The following PLEKHN1 variants were observed in gnomAD, a reference collection of about 807,000 sequenced individuals.
The protein encoded by PLEKHN1 is pleckstrin homology domain containing N1.
PLEKHN1 carries 68 observed loss-of-function variants against 72.8 expected under a neutral mutation model. That is an observed-to-expected ratio of 0.93 (90% confidence interval 0.77 to 1.14). The LOEUF (loss-of-function observed/expected upper bound fraction) is 1.14, where lower values mean the gene tolerates loss of function less well. PLEKHN1 is among the 50% of genes most tolerant of loss of function. The pLI is 0.00. For missense variants in PLEKHN1, 1,015 were observed against 840.5 expected, an observed-to-expected ratio of 1.21 and a Z score of -2.57; for synonymous variants, 454 against 371.6, an observed-to-expected ratio of 1.22 and a Z score of -2.55.
In PLEKHN1 at chr1:973,585, A is replaced by G. The variant is rs1412121549; in HGVS notation, c.1379A>G (p.Tyr460Cys). ...CACTCGCCCCTCTATGCCGACCCCT[A>G]CACACCACCCGCCACCTCCCACCGC... ...TSHSPLYADPYTPPATSHRRV... is the reference protein window; with the variant it reads ...TSHSPLYADPCTPPATSHRRV... Residue 460 changes from tyrosine to cysteine, a missense_variant, in exon 13 of 16, where the codon TAC becomes TGC. Tyr to Cys is a radical substitution (Grantham distance 194, BLOSUM62 -2). Transcript: ENST00000379410. The G allele has an allele frequency of 6.2e-7, 1 of 1,613,276 alleles. No homozygotes were observed. The highest frequency in any genetic ancestry group is 1.7e-5 in the Admixed American group (1 of 60,020).
chr1:970,656 C>T lies in PLEKHN1; in HGVS notation c.412-30C>T. The T allele has an allele frequency of 6.2e-7, 1 of 1,600,488 alleles. No homozygotes were observed. The highest frequency in any genetic ancestry group is 8.5e-7 in the Non-Finnish European group (1 of 1,172,228). ...TGGCCGCCCTTCCCTCCATGGATCC[C>T]TGAAGCTCCTCCTACCCTGTGCCTG... On this transcript the variant is annotated intron_variant, in intron 4 of 15. Coordinates refer to ENST00000379410, the MANE Select transcript of PLEKHN1 (RefSeq NM_032129.3). The surrounding 1 kb of genome is among the most constrained non-coding windows in gnomAD (Gnocchi z 4.2).
At chr1:971,237 G>C (rs755742476) in intron 7 of PLEKHN1, 29 bp downstream of exon 7, 1 of 1,560,852 alleles carries the variant, frequency 6.4e-7, no homozygotes, top group Non-Finnish European at 8.7e-7. Flanking sequence ...GGGCTGTAGG[G>C]GGATGGGAGG....
In PLEKHN1 at chr1:973,292, G is replaced by A; in HGVS notation, c.1259G>A (p.Gly420Asp). The A allele has an allele frequency of 1.3e-6, 2 of 1,543,686 alleles. No homozygotes were observed. Among genetic ancestry groups the A allele is most frequent in the Middle Eastern group, 2.0e-4 (1 of 5,038 alleles). The change falls in exon 12 of 16, where the codon GGC (glycine) becomes GAC (aspartate). Residue 420 changes from glycine to aspartate, a missense_variant. Physicochemically the swap from Gly to Asp is moderately conservative, Grantham distance 94. Transcript: ENST00000379410. ...AGCAAGGCCCGGGCAGAGGGCCGCG[G>A]CCCTGTCACCCCACTGCACCTGGAC... is the stretch of plus-strand genomic sequence containing the variant. ...PGSKARAEGR[G>D]PVTPLHLDLT...
rs758593243 is a variant in PLEKHN1 at position 970,979 on chromosome 1, G to A, written c.585G>A (p.Pro195=). The stretch of plus-strand genomic sequence containing the variant: ...AGCAGACGGCCCTCCTCGGGGGGCC[G>A]CGGCGCTGCCACTCGGCACCCCCAC... ...LEKQTALLGG[P]RRCHSAPPQR... Residue 195 remains proline, a synonymous_variant, in exon 6 of 16, where the codon CCG becomes CCA. Coordinates refer to ENST00000379410, the MANE Select transcript of PLEKHN1 (RefSeq NM_032129.3). This position sits in a 1 kb window ranked among gnomAD's most constrained non-coding sequence, Gnocchi z 4.2. 9.3e-6 allele frequency: 15 copies of A among 1,604,898 alleles called. No homozygotes were observed. The Admixed American group carries it at 1.5e-4, about 16-fold the overall frequency.
chr1:970,357 G>A lies in PLEKHN1; in HGVS notation c.264G>A (p.Val88=), dbSNP rs754369082. Residue 88 remains valine, a synonymous_variant, in exon 3 of 16, where the codon GTG becomes GTA. Coordinates refer to ENST00000379410, the MANE Select transcript of PLEKHN1 (RefSeq NM_032129.3). The surrounding 1 kb of genome is among the most constrained non-coding windows in gnomAD (Gnocchi z 4.2). ...LSVFKKGRRR[V]PVRNLGKVVH... ...TGTTCAAGAAGGGGCGGCGGAGGGT[G>A]CCTGTGAGGAACCTGGGAAAAGTTG... The A allele has an allele frequency of 3.1e-6, 5 of 1,613,470 alleles. No homozygotes were observed. In the African/African-American group the frequency reaches 6.7e-5, roughly 22 times the overall value.
chr1:971,079 G>C, intron 6 of PLEKHN1, 34 bp from the exon 7 acceptor site: 1 of 1,580,826 alleles, frequency 6.3e-7, no homozygotes, highest in Non-Finnish European at 8.6e-7. Flanking sequence ...CCTCACAGGG[G>C]TCCTGCGGAG....
rs375032154 is a variant in PLEKHN1 at position 970,326 on chromosome 1, T to A, written c.233T>A (p.Leu78Gln). Residue 78 changes from leucine (L) to glutamine (Q), a missense_variant, in exon 3 of 16, where the codon CTG (leucine) becomes CAG (glutamine). By Grantham distance (113) the Leu-to-Gln change is moderately radical (BLOSUM62 -2). Coordinates refer to ENST00000379410, the MANE Select transcript of PLEKHN1 (RefSeq NM_032129.3). This position sits in a 1 kb window ranked among gnomAD's most constrained non-coding sequence, Gnocchi z 4.2. The stretch of plus-strand genomic sequence containing the variant: ...CGAGAAAACCTGGAGCAGCCATTCC[T>A]GAGTGTGTTCAAGAAGGGGCGGCGG... ...NQRENLEQPFLSVFKKGRRRV... is the reference protein window; with the variant it reads ...NQRENLEQPFQSVFKKGRRRV... 5 of 1,613,414 alleles carry A rather than the reference T, an allele frequency of 3.1e-6. No homozygotes were observed. The highest frequency in any genetic ancestry group is 1.3e-5 in the African/African-American group (1 of 74,852).
intron 8 of PLEKHN1, among the ~76,000 whole-genome samples, chr1:971,868 T>G (rs1323966566): frequency 6.6e-6 from 1 of 152,230 alleles, no homozygotes; most frequent in Non-Finnish European, 1.5e-5. Flanking sequence ...TTTGTGTGTC[T>G]GCCCCTAGCC....
Position 966,716 on chromosome 1 carries a change from G to T in PLEKHN1, c.96G>T (p.Ala32=). ...GCCTTGTCCCCAGAGAGGACAGCGC[G>T]CGGATGTCGGCCGGCCTGCCGGGCC... ...PSLKGNREDS[A]RMSAGLPGPE... The change falls in exon 2 of 16, where the codon GCG becomes GCT. Residue 32 remains alanine, a synonymous_variant. Transcript: ENST00000379410. The T allele has an allele frequency of 6.4e-7, 1 of 1,573,966 alleles. No homozygotes were observed.
In PLEKHN1 at chr1:970,206, C is replaced by A; in HGVS notation, c.184-71C>A. The stretch of plus-strand genomic sequence containing the variant: ...GGCAGACCATGCTATAGTCCTGTAG[C>A]TGTGTGGATGCGAGCGGAGGGGGTG... On this transcript the variant is annotated intron_variant, in intron 2 of 15. Coordinates refer to ENST00000379410, the MANE Select transcript of PLEKHN1 (RefSeq NM_032129.3). The surrounding 1 kb of genome is among the most constrained non-coding windows in gnomAD (Gnocchi z 4.2). 6.5e-7 allele frequency: 1 copy of A among 1,528,802 alleles called. No individual in the cohort carries two copies. The highest frequency in any genetic ancestry group is 8.9e-7 in the Non-Finnish European group (1 of 1,121,098). 94.7% of individuals were successfully genotyped at this position (1,528,802 alleles called of 1,614,324 possible). A position where few individuals can be genotyped will look rare whatever the true frequency, so the allele number is the denominator to read the frequency against.
Position 971,341 on chromosome 1 carries a change from C to A in PLEKHN1, c.726C>A (p.Leu242=). Reference sequence around the variant, plus strand: ...CCACCCAGGAGCAGTGGGACCGGCTCTTGGTCCTGTACCCAACGTCCTTGG... The same window carrying A: ...CCACCCAGGAGCAGTGGGACCGGCTATTGGTCCTGTACCCAACGTCCTTGG... ...HLPAQEQWDR[L]LVLYPTSLAI... Residue 242 remains leucine (L), a synonymous_variant, in exon 8 of 16, where the codon CTC becomes CTA. Coordinates refer to ENST00000379410, the MANE Select transcript of PLEKHN1 (RefSeq NM_032129.3). The A allele has an allele frequency of 6.3e-7, 1 of 1,583,380 alleles. No homozygotes were observed. The highest frequency in any genetic ancestry group is 2.3e-5 in the East Asian group (1 of 43,308).
intron 2 of PLEKHN1, among the ~76,000 whole-genome samples, chr1:969,487 CATGT>C (rs371616601): frequency 1.8e-4 from 27 of 151,164 alleles, no homozygotes; most frequent in African/African-American, 6.4e-4. Flanking sequence ...TGTGTGCATG[CATGT>C]GTGTGCATGT....
At chr1:966,651 G>T (rs1285356743) in intron 1 of PLEKHN1, 37 bp downstream of exon 1, 1 of 1,593,526 alleles carries the variant, frequency 6.3e-7, no homozygotes, top group East Asian at 2.3e-5. Context: ...TGGGCGCAGG[G>T]CTCCCCCACC....
Position 974,848 on chromosome 1 carries a change from C to A in PLEKHN1, c.*273C>A. Reference sequence around the variant, plus strand: ...GTCCTGGCCGTCCACAGGGTCGGCCCTCAGCTCAGCCCGCCAGGAGTCAGG... The same window carrying A: ...GTCCTGGCCGTCCACAGGGTCGGCCATCAGCTCAGCCCGCCAGGAGTCAGG... On this transcript the variant is annotated 3_prime_UTR_variant, in exon 16 of 16. Transcript: ENST00000379410. The A allele has an allele frequency of 2.1e-6, 1 of 487,534 alleles. No homozygotes were observed. The highest frequency in any genetic ancestry group is 3.7e-6 in the Non-Finnish European group (1 of 271,774). The allele number at this position is 487,534 out of a possible 1,614,324, so 30.2% of individuals were successfully genotyped here.
chr1:971,405 G>T lies in PLEKHN1; in HGVS notation c.789+1G>T, dbSNP rs760195625. On this transcript the variant is annotated splice_donor_variant, in intron 8 of 15. Coordinates refer to ENST00000379410, the MANE Select transcript of PLEKHN1 (RefSeq NM_032129.3). LOFTEE classifies it high-confidence loss of function. ...GGAGCTGGACGGGCTTTGCTTCAAG[G>T]TGGGCCCCTCCCCACTGTGGGCCCG... 4 of 1,575,472 alleles carry T rather than the reference G, an allele frequency of 2.5e-6. No homozygotes were observed. The highest frequency in any genetic ancestry group is 3.6e-5 in the Admixed American group (2 of 55,354).
At chr1:969,315 G>A (rs1643157105) in intron 2 of PLEKHN1, among the ~76,000 whole-genome samples, 1 of 152,254 alleles carries the variant, frequency 6.6e-6, no homozygotes, top group Admixed American at 6.5e-5. Context: ...GTGTGGGGAA[G>A]TGTGTCTGTG....
intron 13 of PLEKHN1, 41 bp downstream of exon 13, chr1:973,681 T>C (rs1241385638): frequency 4.4e-6 from 7 of 1,604,488 alleles, no homozygotes; most frequent in Non-Finnish European, 5.1e-6. Flanking sequence ...GGGAGGTGCC[T>C]GCAGCCTGAG....
intron 10 of PLEKHN1, among the ~76,000 whole-genome samples, 195 bp from the exon 11 acceptor site, chr1:972,666 G>A (rs1331751116): frequency 6.6e-6 from 1 of 152,222 alleles, no homozygotes; most frequent in Non-Finnish European, 1.5e-5. Flanking sequence ...TACTCAGGAG[G>A]CTGAGGCAGG....
At chr1:974,231 T>C in intron 14 of PLEKHN1, 85 bp from the exon 15 acceptor site, 1 of 1,587,456 alleles carries the variant, frequency 6.3e-7, no homozygotes, top group Non-Finnish European at 8.6e-7. Context: ...CAGGGGGACA[T>C]GGGGGGCTGC....
Sources: gnomAD v4.1 joint callset for allele counts (sites outside exome capture counted in the v4.1 genomes callset) on GRCh38, gnomAD v4.1.1 for gene constraint, Gnocchi (gnomAD v3.1) non-coding constraint, MANE v1.5 for transcripts, NCBI Gene and HGNC (gene_info 2026-07-23, HGNC 2026-07-21) for gene names.